The following PVT1 variants were observed in gnomAD, a reference collection of about 807,000 sequenced individuals.
The protein encoded by PVT1 is CXCR4/PVT1 fusion.
At chr8:127,800,925 G>A (rs141132402) in intron 2 of PVT1, among the ~76,000 whole-genome samples, 6 of 152,326 alleles carry the variant, frequency 3.9e-5, no homozygotes, top group African/African-American at 1.2e-4. Flanking sequence ...GGGCTGGGGC[G>A]TGGTGCTGTG....
intron 4 of PVT1, among the ~76,000 whole-genome samples, chr8:128,055,985 C>T (rs909837969): frequency 5.3e-5 from 8 of 152,182 alleles, no homozygotes; most frequent in Non-Finnish European, 8.8e-5. Flanking sequence ...TGGGAGGACT[C>T]ATATCACTCA....
intron 4 of PVT1, among the ~76,000 whole-genome samples, chr8:128,065,947 G>A (rs1363559607): frequency 6.6e-6 from 1 of 152,224 alleles, no homozygotes; most frequent in African/African-American, 2.4e-5. Context: ...AGGGAGCTTA[G>A]AACCTAGTCT....
chr8:127,943,287 C>G (rs561670640), intron 3 of PVT1, among the ~76,000 whole-genome samples: 1 of 152,228 alleles, frequency 6.6e-6, no homozygotes, highest in Non-Finnish European at 1.5e-5. Context: ...TTCATGCAAT[C>G]AATTCCAGCC....
intron 4 of PVT1, among the ~76,000 whole-genome samples, chr8:128,063,344 C>T (rs1813855424): frequency 6.6e-6 from 1 of 152,072 alleles, no homozygotes; most frequent in Admixed American, 6.6e-5. Context: ...AAAACCCCAT[C>T]TCACCAAAAC....
At chr8:128,045,059 C>G (rs1160809170) in intron 4 of PVT1, among the ~76,000 whole-genome samples, 1 of 152,216 alleles carries the variant, frequency 6.6e-6, no homozygotes, top group Non-Finnish European at 1.5e-5. Flanking sequence ...GTCTTATCCC[C>G]TCTTGTCAGA....
At chr8:127,818,123 T>C (rs1283854119) in intron 2 of PVT1, among the ~76,000 whole-genome samples, 2 of 152,146 alleles carry the variant, frequency 1.3e-5, no homozygotes, top group Non-Finnish European at 2.9e-5. Context: ...GATTGTGGCT[T>C]TCCTCAAGGT....
intron 3 of PVT1, among the ~76,000 whole-genome samples, chr8:127,944,596 C>T (rs575120998): frequency 2.7e-5 from 4 of 150,388 alleles, no homozygotes; most frequent in South Asian, 4.2e-4. Flanking sequence ...CCATTATGGA[C>T]GATCAGGCAT....
At chr8:127,982,676 T>A (rs1012147504) in intron 3 of PVT1, among the ~76,000 whole-genome samples, 3 of 141,008 alleles carry the variant, frequency 2.1e-5, no homozygotes, top group East Asian at 3.9e-4. Flanking sequence ...ATTAATTAAT[T>A]AATAAAATAA....
At chr8:128,013,295 G>T (rs1303431330) in intron 4 of PVT1, among the ~76,000 whole-genome samples, 1 of 152,072 alleles carries the variant, frequency 6.6e-6, no homozygotes, top group Non-Finnish European at 1.5e-5. Flanking sequence ...AATAGTTAGG[G>T]TTCCACAAAT....
chr8:127,857,123 T>A (rs1157778137), intron 2 of PVT1, among the ~76,000 whole-genome samples: 2 of 152,030 alleles, frequency 1.3e-5, no homozygotes, highest in African/African-American at 4.8e-5. Context: ...CTACTCGAGA[T>A]GCTGAGGCAG....
intron 4 of PVT1, among the ~76,000 whole-genome samples, chr8:128,039,833 G>A (rs1247615243): frequency 1.3e-5 from 2 of 152,172 alleles, no homozygotes; most frequent in Non-Finnish European, 2.9e-5. Flanking sequence ...CTGGCCTGGT[G>A]GAAGCAGAGG....
intron 3 of PVT1, among the ~76,000 whole-genome samples, chr8:127,894,945 A>G (rs1282600642): frequency 6.6e-6 from 1 of 152,246 alleles, no homozygotes; most frequent in Admixed American, 6.5e-5. Flanking sequence ...GCTAGATTGA[A>G]AACAATAAGG....
At chr8:127,886,286 A>G (rs576258734) in intron 2 of PVT1, among the ~76,000 whole-genome samples, 4 of 152,124 alleles carry the variant, frequency 2.6e-5, no homozygotes, top group Admixed American at 1.3e-4. Context: ...ACTATTATAT[A>G]CTTAGGTGTG....
intron 3 of PVT1, among the ~76,000 whole-genome samples, chr8:127,919,327 G>C (rs1185466978): frequency 6.6e-6 from 1 of 152,162 alleles, no homozygotes; most frequent in Non-Finnish European, 1.5e-5. Flanking sequence ...CAAGGAGCAG[G>C]AAGGTGACTT....
intron 2 of PVT1, among the ~76,000 whole-genome samples, chr8:127,854,438 G>A (rs1217145972): frequency 6.6e-6 from 1 of 152,180 alleles, no homozygotes; most frequent in Non-Finnish European, 1.5e-5. Flanking sequence ...GTGCCTTGTG[G>A]GACCCTCCTG....
At chr8:127,963,048 C>T (rs1191868811) in intron 3 of PVT1, among the ~76,000 whole-genome samples, 13 of 152,160 alleles carry the variant, frequency 8.5e-5, no homozygotes, top group Non-Finnish European at 1.8e-4. Context: ...GGATTGAGAT[C>T]GGGCTGGCCA....
At chr8:127,798,586 C>T (rs1201332682) in intron 2 of PVT1, among the ~76,000 whole-genome samples, 1 of 150,488 alleles carries the variant, frequency 6.6e-6, no homozygotes, top group Non-Finnish European at 1.5e-5. Flanking sequence ...TGGCTGGGTG[C>T]AGTAGCTCAC....
At chr8:127,991,427 A>G (rs1380117637) in intron 4 of PVT1, among the ~76,000 whole-genome samples, 1 of 152,100 alleles carries the variant, frequency 6.6e-6, no homozygotes, top group Non-Finnish European at 1.5e-5. Flanking sequence ...CCTCAGGGAC[A>G]GTCACTGAAT....
intron 4 of PVT1, among the ~76,000 whole-genome samples, chr8:128,034,500 G>A (rs927348653): frequency 1.3e-5 from 2 of 152,204 alleles, no homozygotes; most frequent in Admixed American, 6.5e-5. Flanking sequence ...CTCTTGGTGT[G>A]CGTGTCAACT....
Sources: gnomAD v4.1 joint callset for allele counts (sites outside exome capture counted in the v4.1 genomes callset) on GRCh38, gnomAD v4.1.1 for gene constraint, MANE v1.5 for transcripts, NCBI Gene and HGNC (gene_info 2026-07-23, HGNC 2026-07-21) for gene names.